Variants in PCDHAC1 observed in about 807,000 individuals in gnomAD.
PCDHAC1 encodes the protein protocadherin alpha subfamily C, 1.
PCDHAC1 carries 42 observed loss-of-function variants against 60.0 expected under a neutral mutation model. The observed-to-expected ratio is 0.70, with a 90% CI of 0.55 to 0.90. The LOEUF is 0.90. PCDHAC1 is among the 40% of genes least tolerant of loss of function. PCDHAC1 has a pLI of 0.00. For synonymous variants in PCDHAC1, 468 were observed against 499.3 expected (o/e 0.94, Z 0.84); for missense variants, 1,160 against 1,222.3 (o/e 0.95, Z 0.76).
chr5:140,971,642 A>G (rs1586490477), intron 1 of PCDHAC1, among the ~76,000 whole-genome samples: 1 of 152,330 alleles, frequency 6.6e-6, no homozygotes, highest in East Asian at 1.9e-4. Flanking sequence ...ATGTGCCTAC[A>G]TTAAAAGTAG....
intron 1 of PCDHAC1, among the ~76,000 whole-genome samples, chr5:140,953,932 C>G (rs1005245846): frequency 1.2e-4 from 19 of 152,060 alleles, no homozygotes; most frequent in Non-Finnish European, 5.9e-5. Flanking sequence ...CTGATGCTCT[C>G]CCTCCCATTG....
chr5:140,928,065 T>G lies in PCDHAC1; in HGVS notation c.1173T>G (p.Phe391Leu). Residue 391 changes from phenylalanine to leucine, a missense_variant, in exon 1 of 4, where the codon TTT (phenylalanine) becomes TTG (leucine). By Grantham distance (22) the Phe-to-Leu change is conservative. Around this residue, in one of 3 missense-constraint regions of PCDHAC1, gnomAD observed 1,113 missense variants for 1,163.7 expected, o/e 0.96. Coordinates refer to ENST00000253807, the MANE Select transcript of PCDHAC1 (RefSeq NM_018898.5). ...GCCCTTTTCAGCTGACGGCTTCCTT[T>G]GACAACTACTACAGCCTGCTGATTG... is the stretch of plus-strand genomic sequence containing the variant. ...SAGPFQLTAS[F>L]DNYYSLLIDG... 1.2e-5 allele frequency: 20 copies of G among 1,614,198 alleles called. No individual in the cohort carries two copies. The highest frequency in any genetic ancestry group is 1.6e-5 in the Non-Finnish European group (19 of 1,180,032).
intron 1 of PCDHAC1, chr5:140,968,812 T>C (rs782711806): frequency 6.2e-7 from 1 of 1,614,064 alleles, no homozygotes; most frequent in Non-Finnish European, 8.5e-7. Context: ...CTGTGGTGGA[T>C]AGGGTTTCCA....
intron 1 of PCDHAC1, among the ~76,000 whole-genome samples, chr5:140,934,783 A>C (rs2090034582): frequency 6.6e-6 from 1 of 152,180 alleles, no homozygotes; most frequent in Non-Finnish European, 1.5e-5. Context: ...GGCCCAATCC[A>C]TGTCAATTAT....
chr5:140,931,716 T>G (rs1205500293), intron 1 of PCDHAC1, among the ~76,000 whole-genome samples: 5 of 151,962 alleles, frequency 3.3e-5, no homozygotes, highest in Admixed American at 3.3e-4. Context: ...TAAAATAACT[T>G]CTATAAATAT....
In PCDHAC1 at chr5:140,952,684, C is replaced by T. The variant is rs1165956619; in HGVS notation, c.2433+23359C>T. On this transcript the variant is annotated intron_variant, in intron 1 of 3. Coordinates refer to ENST00000253807, the MANE Select transcript of PCDHAC1 (RefSeq NM_018898.5). The stretch of plus-strand genomic sequence containing the variant: ...AAAGTCACTTTCACATTTTCAGGAT[C>T]TTTATAGCAATATCCCACTCTCAGT... Among the ~76,000 whole-genome samples the T allele has an allele frequency of 2.0e-5, 3 of 152,308 alleles. No individual in the cohort carries two copies. The East Asian group carries it at 5.8e-4, about 29-fold the overall frequency.
chr5:140,991,191 A>G (rs1316296536), intron 3 of PCDHAC1, among the ~76,000 whole-genome samples: 2 of 152,218 alleles, frequency 1.3e-5, no homozygotes, highest in South Asian at 2.1e-4. Flanking sequence ...CTAGCACACA[A>G]TGATGCTCAA....
intron 3 of PCDHAC1, among the ~76,000 whole-genome samples, chr5:140,996,588 G>A (rs1031631617): frequency 3.2e-4 from 49 of 152,082 alleles, no homozygotes; most frequent in Admixed American, 2.0e-3. Flanking sequence ...AACAAGGGCC[G>A]CCTCCCCCCA....
intron 3 of PCDHAC1, among the ~76,000 whole-genome samples, chr5:140,990,875 G>A: frequency 6.6e-6 from 1 of 152,198 alleles, no homozygotes; most frequent in East Asian, 1.9e-4. Flanking sequence ...TTAAGTGTAT[G>A]TTCCAGTGAG....
intron 1 of PCDHAC1, among the ~76,000 whole-genome samples, chr5:140,959,785 C>T (rs976645506): frequency 3.5e-4 from 53 of 152,280 alleles, no homozygotes; most frequent in African/African-American, 1.2e-3. Context: ...TGTATATTAA[C>T]ATGGCTAATT....
At chr5:140,967,150 C>T (rs1400431511) in intron 1 of PCDHAC1, 1 of 1,611,004 alleles carries the variant, frequency 6.2e-7, no homozygotes, top group Non-Finnish European at 8.5e-7. Context: ...CGCACAACCC[C>T]GTGGCGGTGA....
intron 3 of PCDHAC1, among the ~76,000 whole-genome samples, chr5:140,991,146 G>A (rs2097434554): frequency 6.6e-6 from 1 of 151,978 alleles, no homozygotes; most frequent in African/African-American, 2.4e-5. Context: ...AATGTTTTTT[G>A]CTCACCATTG....
chr5:140,937,785 G>T (rs962276976), intron 1 of PCDHAC1, among the ~76,000 whole-genome samples: 2 of 150,438 alleles, frequency 1.3e-5, no homozygotes, highest in African/African-American at 4.9e-5. Flanking sequence ...GGTGGCGGGC[G>T]TATGTAGTCC....
At chr5:140,957,023 G>C (rs1360382480) in intron 1 of PCDHAC1, among the ~76,000 whole-genome samples, 2 of 152,100 alleles carry the variant, frequency 1.3e-5, no homozygotes, top group Non-Finnish European at 2.9e-5. Flanking sequence ...TGAGCATTTA[G>C]ATATTTATGG....
chr5:140,959,449 A>G (rs2095488988), intron 1 of PCDHAC1, among the ~76,000 whole-genome samples: 1 of 152,196 alleles, frequency 6.6e-6, no homozygotes, highest in South Asian at 2.1e-4. Context: ...TTTTGTGCTG[A>G]AAAGCTGAAG....
intron 1 of PCDHAC1, among the ~76,000 whole-genome samples, chr5:140,971,561 A>G (rs367567903): frequency 1.3e-3 from 195 of 152,186 alleles, no homozygotes; most frequent in African/African-American, 4.3e-3. Context: ...TTAAATTCCC[A>G]TGTTGGGCTT....
In PCDHAC1 at chr5:140,927,896, A is replaced by C; in HGVS notation, c.1004A>C (p.Asp335Ala). The C allele has an allele frequency of 6.2e-7, 1 of 1,614,200 alleles. No individual in the cohort carries two copies. The highest frequency in any genetic ancestry group is 2.2e-5 in the East Asian group (1 of 44,880). Residue 335 changes from aspartate (D) to alanine (A), a missense_variant, in exon 1 of 4, where the codon GAT (aspartate) becomes GCT (alanine). Around this residue, in one of 3 missense-constraint regions of PCDHAC1, gnomAD observed 1,113 missense variants for 1,163.7 expected, o/e 0.96. Transcript: ENST00000253807. The stretch of plus-strand genomic sequence containing the variant: ...CTGGTGGAGGTGACTGACGTGAACG[A>C]TCATGCCCCCGAACTGGACTTCCTG... Reference protein sequence around the residue: ...KLLVEVTDVNDHAPELDFLTL... With the variant: ...KLLVEVTDVNAHAPELDFLTL...
chr5:141,009,809 G>T lies in PCDHAC1; in HGVS notation c.2764G>T (p.Asp922Tyr), dbSNP rs782057926. The T allele has an allele frequency of 6.2e-7, 1 of 1,613,834 alleles. No homozygotes were observed. Among genetic ancestry groups the T allele is most frequent in the Non-Finnish European group, 8.5e-7 (1 of 1,180,010 alleles). ...GCAGGAGCCTACTAACAGCCAAATT[G>T]ACAAAAGTGACTTCATAACCTTCGG... ...IRQEPTNSQI[D>Y]KSDFITFGKK... The change falls in exon 4 of 4, where the codon GAC becomes TAC. Residue 922 changes from aspartate to tyrosine, a missense_variant. Physicochemically the swap from Asp to Tyr is radical, Grantham distance 160 (BLOSUM62 -3). Coordinates refer to ENST00000253807, the MANE Select transcript of PCDHAC1 (RefSeq NM_018898.5).
At chr5:140,966,882 C>A (rs782464160) in intron 1 of PCDHAC1, 1 of 1,589,690 alleles carries the variant, frequency 6.3e-7, no homozygotes, top group Non-Finnish European at 8.5e-7. Context: ...CTACCTGGCC[C>A]TGCGGCCTCC....
Sources: allele counts gnomAD v4.1 joint callset (sites outside exome capture counted in the v4.1 genomes callset), GRCh38; gene constraint gnomAD v4.1.1; regional missense constraint gnomAD v4.1.1; transcripts MANE v1.5; gene names NCBI Gene and HGNC (gene_info 2026-07-23, HGNC 2026-07-21).